The following C1orf94 variants were observed in gnomAD, a reference collection of about 807,000 sequenced individuals.
C1orf94 encodes uncharacterized protein C1orf94.
Under a neutral mutation model 53.6 loss-of-function variants are expected in C1orf94, and 45 were observed. The ratio of observed to expected loss-of-function variants is 0.84; its 90% CI spans 0.66 to 1.08. C1orf94 has a LOEUF of 1.08. Among genes scored for constraint, C1orf94 ranks in the 50% least tolerant of loss-of-function variants. The probability of loss-of-function intolerance (pLI) is 0.00; values close to 1 mark genes in which losing one functional copy is unlikely to be tolerated. For synonymous variants in C1orf94, 304 were observed against 296.1 expected (o/e 1.03, Z -0.27); for missense variants, 762 against 738.9 (o/e 1.03, Z -0.36).
chr1:34,179,213 G>T (rs1224090550), intron 1 of C1orf94, among the ~76,000 whole-genome samples: 1 of 152,224 alleles, frequency 6.6e-6, no homozygotes, highest in Non-Finnish European at 1.5e-5. Context: ...AAGGTGGAAG[G>T]CACTTTGGCT....
chr1:34,199,090 G>A (rs983593101), intron 2 of C1orf94, among the ~76,000 whole-genome samples: 1 of 140,134 alleles, frequency 7.1e-6, no homozygotes, highest in East Asian at 2.4e-4. Flanking sequence ...TAGTGTATTT[G>A]TTAGAGAAAA....
chr1:34,211,912 A>G lies in C1orf94; in HGVS notation c.1525-298A>G, dbSNP rs569105959. ...AGGGAAGAGAATGGAAATAATATTG[A>G]TTTGCTATTTACTATATGCCTGTCT... On this transcript the variant is annotated intron_variant, in intron 5 of 6. Transcript: ENST00000488417. 9.9e-5 allele frequency among the ~76,000 whole-genome samples: 15 copies of G among 152,064 alleles called. No individual in the cohort carries two copies. In the South Asian group the frequency reaches 2.9e-3, roughly 30 times the overall value.
Position 34,197,113 on chromosome 1 carries a change from G to A in C1orf94, c.321-112G>A. The A allele has an allele frequency of 3.0e-6, 3 of 992,318 alleles. No homozygotes were observed. Among genetic ancestry groups the A allele is most frequent in the Non-Finnish European group, 4.4e-6 (3 of 682,024 alleles). The allele number at this position is 992,318 out of a possible 1,614,324, so 61.5% of individuals were successfully genotyped here. A position where few individuals can be genotyped will look rare whatever the true frequency, so the allele number is the denominator to read the frequency against. ...GCTGGGTTATCTTGCCTGGAAGTGT[G>A]TTTTTGTCATGTTATGCATCCATCT... On this transcript the variant is annotated intron_variant, in intron 1 of 6. Coordinates refer to ENST00000488417, the MANE Select transcript of C1orf94 (RefSeq NM_001134734.2). This position sits in a 1 kb window ranked among gnomAD's most constrained non-coding sequence, Gnocchi z 4.1.
chr1:34,191,788 A>G (rs1330066449), intron 1 of C1orf94, among the ~76,000 whole-genome samples: 2 of 152,100 alleles, frequency 1.3e-5, no homozygotes, highest in African/African-American at 4.8e-5. Context: ...CTGTGTTATC[A>G]TGTACACAGA....
Position 34,200,803 on chromosome 1 carries a change from G to A in C1orf94, c.1041G>A (p.Lys347=). The part of the protein sequence containing the change: ...EWSPGTKEPK[K]GQGSLFLSQW... The stretch of plus-strand genomic sequence containing the variant: ...GCCCTGGCACCAAGGAGCCAAAAAA[G>A]GGTCAAGGGAGCCTCTTTCTCAGCC... The change falls in exon 3 of 7, where the codon AAG becomes AAA. Residue 347 remains lysine, a synonymous_variant. Transcript: ENST00000488417. 6.2e-7 allele frequency: 1 copy of A among 1,614,164 alleles called. No individual in the cohort carries two copies. Among genetic ancestry groups the A allele is most frequent in the Non-Finnish European group, 8.5e-7 (1 of 1,180,016 alleles).
At chr1:34,201,102 G>A (rs779340565) in intron 3 of C1orf94, 70 bp downstream of exon 3, 10 of 1,520,900 alleles carry the variant, frequency 6.6e-6, no homozygotes, top group Non-Finnish European at 8.9e-6. Flanking sequence ...CTTCAGGGTG[G>A]CTCTGTCACC....
In C1orf94 at chr1:34,197,177, C is replaced by T; in HGVS notation, c.321-48C>T. On this transcript the variant is annotated intron_variant, in intron 1 of 6. Coordinates refer to ENST00000488417, the MANE Select transcript of C1orf94 (RefSeq NM_001134734.2). The surrounding 1 kb of genome is among the most constrained non-coding windows in gnomAD (Gnocchi z 4.1). ...CCTATGTCCTTCTGCAAAGCCACGCCTTGGTGAGCTGGCACTAACACCGTC... is the reference window on the plus strand; with the variant it reads ...CCTATGTCCTTCTGCAAAGCCACGCTTTGGTGAGCTGGCACTAACACCGTC... 1 of 1,456,502 alleles carries T rather than the reference C, an allele frequency of 6.9e-7. No homozygotes were observed. The highest frequency in any genetic ancestry group is 9.1e-7 in the Non-Finnish European group (1 of 1,096,754). 90.2% of individuals were successfully genotyped at this position (1,456,502 alleles called of 1,614,324 possible).
chr1:34,200,537 G>A lies in C1orf94; in HGVS notation c.1010-235G>A, dbSNP rs144143299. On this transcript the variant is annotated intron_variant, in intron 2 of 6. Transcript: ENST00000488417. ...GAAAGGCAAAGATGATGGACAGATG[G>A]GTGGATGAATGAACAGATGGATGGA... Among the ~76,000 whole-genome samples the A allele has an allele frequency of 3.1e-3, 469 of 152,186 alleles. 2 individuals are homozygous for A. The highest frequency in any genetic ancestry group is 9.3e-3 in the African/African-American group (384 of 41,512).
At chr1:34,211,061 C>A (rs559819308) in intron 5 of C1orf94, among the ~76,000 whole-genome samples, 2 of 152,098 alleles carry the variant, frequency 1.3e-5, no homozygotes, top group Non-Finnish European at 2.9e-5. Flanking sequence ...AAGTGGAAAT[C>A]CAGAAGTTTC....
At chr1:34,204,864 T>TA (rs35194964) in intron 4 of C1orf94, among the ~76,000 whole-genome samples, 9,897 of 145,160 alleles carry the variant, frequency 0.068, 907 homozygotes, top group African/African-American at 0.21. Context: ...ACCCTGTCTC[T>TA]AAAAAAAAAA....
chr1:34,218,757 T>C lies in C1orf94; in HGVS notation c.1793T>C (p.Phe598Ser). Residue 598 changes from phenylalanine to serine, a missense_variant, in exon 7 of 7, where the codon TTT becomes TCT. Physicochemically the swap from Phe to Ser is radical, Grantham distance 155 (BLOSUM62 -2). Transcript: ENST00000488417. ...TCTTCCAGTGGGAATGGCATAAACT[T>C]TTAGATCTCCTCTTCTCCCTTCTCC... ...YFSSSGNGIN[F>S] 1 of 1,611,858 alleles carries C rather than the reference T, an allele frequency of 6.2e-7. No individual in the cohort carries two copies. Among genetic ancestry groups the C allele is most frequent in the South Asian group, 1.1e-5 (1 of 90,722 alleles).
intron 4 of C1orf94, among the ~76,000 whole-genome samples, chr1:34,206,803 T>C (rs1348426228): frequency 6.6e-6 from 1 of 152,132 alleles, no homozygotes; most frequent in African/African-American, 2.4e-5. Context: ...GAGGCTGCCC[T>C]GGGCTGTAGA....
At chr1:34,201,342 T>G (rs891384784) in intron 3 of C1orf94, among the ~76,000 whole-genome samples, 24 of 152,222 alleles carry the variant, frequency 1.6e-4, no homozygotes, top group African/African-American at 5.8e-4. Context: ...AGATCCTTGC[T>G]TTAGATTATT....
rs1228468504 is a variant in C1orf94 at position 34,177,111 on chromosome 1, C to G, written c.-679C>G. 1.3e-5 allele frequency among the ~76,000 whole-genome samples: 2 copies of G among 152,218 alleles called. No homozygotes were observed. Among genetic ancestry groups the G allele is most frequent in the Non-Finnish European group, 2.9e-5 (2 of 68,030 alleles). ...GGCTGGGGCAGGGGTCTGCTGGGGG[C>G]CGGGGACTAAGGGCTGTGGGCCCAT... is the stretch of plus-strand genomic sequence containing the variant. On this transcript the variant is annotated 5_prime_UTR_variant, in exon 1 of 7. Coordinates refer to ENST00000488417, the MANE Select transcript of C1orf94 (RefSeq NM_001134734.2).
At position 34,209,311 on chromosome 1, in the gene C1orf94, CACACACACAT is replaced by C. The variant is rs567480942; in HGVS notation, c.1524+1078_1524+1087del. On this transcript the variant is annotated intron_variant, in intron 5 of 6. Coordinates refer to ENST00000488417, the MANE Select transcript of C1orf94 (RefSeq NM_001134734.2). ...ACACACACACACACACACACACACA[CACACACACAT>C]GCAGACAGAAACACAGGTATAGTTG... Among the ~76,000 whole-genome samples the C allele has an allele frequency of 2.8e-3, 423 of 151,168 alleles. 2 individuals are homozygous for C. The highest frequency in any genetic ancestry group is 0.027 in the South Asian group (129 of 4,804).
intron 1 of C1orf94, among the ~76,000 whole-genome samples, chr1:34,192,315 C>T (rs1027755289): frequency 1.8e-4 from 27 of 152,098 alleles, no homozygotes; most frequent in African/African-American, 4.3e-4. Context: ...GCCATGGGAC[C>T]GCCTTGCAGA....
chr1:34,212,045 TC>T (rs1180490595), intron 5 of C1orf94, among the ~76,000 whole-genome samples, 164 bp from the exon 6 acceptor site: 5 of 152,046 alleles, frequency 3.3e-5, no homozygotes, highest in Admixed American at 6.5e-5. Context: ...CTTGCCAGGC[TC>T]ACTACATAAG....
At chr1:34,203,965 C>T (rs769558178) in intron 4 of C1orf94, among the ~76,000 whole-genome samples, 13 of 152,174 alleles carry the variant, frequency 8.5e-5, no homozygotes, top group African/African-American at 1.9e-4. Flanking sequence ...TTCTGTTCCT[C>T]GCACTGGCTT....
chr1:34,178,003 A>G lies in C1orf94; in HGVS notation c.214A>G (p.Arg72Gly), dbSNP rs1267296800. Residue 72 changes from arginine to glycine, a missense_variant, in exon 1 of 7, where the codon AGA becomes GGA. Transcript: ENST00000488417. ...LDKTCHEIWK[R>G]VQGLPEASQP... ...CAAGACTTGCCATGAAATCTGGAAG[A>G]GAGTTCAAGGCCTGCCTGAGGCCTC... 1 of 1,551,756 alleles carries G rather than the reference A, an allele frequency of 6.4e-7. No individual in the cohort carries two copies. The highest frequency in any genetic ancestry group is 2.0e-5 in the Admixed American group (1 of 51,012).
Sources: allele counts gnomAD v4.1 joint callset (sites outside exome capture counted in the v4.1 genomes callset), GRCh38; gene constraint gnomAD v4.1.1; non-coding constraint Gnocchi (gnomAD v3.1); transcripts MANE v1.5; gene names NCBI Gene and HGNC (gene_info 2026-07-23, HGNC 2026-07-21).